ZNF516: variants seen among roughly 807,000 people sequenced by gnomAD.
The protein encoded by ZNF516 is zinc finger protein 516.
Under a neutral mutation model 79.7 loss-of-function variants are expected in ZNF516, and 19 were observed. The ratio of observed to expected loss-of-function variants is 0.24; its 90% CI spans 0.17 to 0.35. ZNF516 has a LOEUF of 0.35. ZNF516 is among the 10% of genes least tolerant of loss of function. The probability of loss-of-function intolerance (pLI) is 1.00; values close to 1 mark genes in which losing one functional copy is unlikely to be tolerated. For synonymous variants in ZNF516, 877 were observed against 739.5 expected (o/e 1.19, Z -3.02); for missense variants, 1,678 against 1,679.5 (o/e 1.00, Z 0.02).
At chr18:76,428,984 G>A (rs1223881957) in intron 3 of ZNF516, among the ~76,000 whole-genome samples, 1 of 152,282 alleles carries the variant, frequency 6.6e-6, no homozygotes, top group Non-Finnish European at 1.5e-5. Context: ...AGGCCGCTCA[G>A]GAGGAGGGCG....
At chr18:76,395,004 C>G (rs372005943) in intron 3 of ZNF516, among the ~76,000 whole-genome samples, 2 of 152,162 alleles carry the variant, frequency 1.3e-5, no homozygotes, top group Non-Finnish European at 2.9e-5. Flanking sequence ...AACTCAGTCC[C>G]GATTCCAACT....
chr18:76,421,086 G>A (rs545283966), intron 3 of ZNF516, among the ~76,000 whole-genome samples: 37 of 152,302 alleles, frequency 2.4e-4, no homozygotes, highest in African/African-American at 6.0e-4. Flanking sequence ...TGCAGTGTGC[G>A]CCTCCTGCTC....
intron 1 of ZNF516, among the ~76,000 whole-genome samples, chr18:76,481,431 G>A (rs760686624): frequency 6.6e-6 from 1 of 152,214 alleles, no homozygotes. Flanking sequence ...CTCCCATAGT[G>A]TCATCTCTAA....
rs1275970230 is a variant in ZNF516 at position 76,360,643 on chromosome 18, AAAAATAT to A, written c.*1848_*1854del. The A allele has an allele frequency of 8.8e-5, 10 of 113,976 alleles. No individual in the cohort carries two copies. The highest frequency in any genetic ancestry group is 2.6e-4 in the Admixed American group (3 of 11,406). 7.1% of individuals were successfully genotyped at this position (113,976 alleles called of 1,614,324 possible). A position where few individuals can be genotyped will look rare whatever the true frequency, so the allele number is the denominator to read the frequency against. ...CAGAAAAAAATAAGTAAAAAAAAAA[AAAAATAT>A]ATATATATATATATATATATATATA... On this transcript the variant is annotated 3_prime_UTR_variant, in exon 7 of 7. Coordinates refer to ENST00000443185, the MANE Select transcript of ZNF516 (RefSeq NM_014643.4).
chr18:76,488,006 G>C (rs1411432607), intron 1 of ZNF516: 1 of 985,124 alleles, frequency 1.0e-6, no homozygotes, highest in Admixed American at 6.2e-5. Context: ...CCAAACAGTC[G>C]AACAACCAAA....
At chr18:76,416,233 G>A (rs780823410) in intron 3 of ZNF516, among the ~76,000 whole-genome samples, 13 of 152,176 alleles carry the variant, frequency 8.5e-5, no homozygotes, top group South Asian at 2.1e-4. Flanking sequence ...GGTCCTCCTT[G>A]GAAGAGGCGG....
intron 3 of ZNF516, among the ~76,000 whole-genome samples, chr18:76,392,665 TGGGGG>T (rs2075094724): frequency 1.5e-5 from 1 of 68,280 alleles, no homozygotes; most frequent in Non-Finnish European, 2.6e-5. Flanking sequence ...GGTGACCAGG[TGGGGG>T]AAAGGTGGAT....
At position 76,379,117 on chromosome 18, in the gene ZNF516, G is replaced by C. The variant is rs1166054021; in HGVS notation, c.2997C>G (p.Pro999=). The C allele has an allele frequency of 1.2e-6, 2 of 1,612,340 alleles. No individual in the cohort carries two copies. The highest frequency in any genetic ancestry group is 8.5e-7 in the Non-Finnish European group (1 of 1,179,686). The change falls in exon 4 of 7, where the codon CCC becomes CCG. Residue 999 remains proline, a synonymous_variant. Coordinates refer to ENST00000443185, the MANE Select transcript of ZNF516 (RefSeq NM_014643.4). ...GGGCTGCCTTCGAGGGGGGCTCGCG[G>C]GGAGGTAGAGGAGGAGCGCCCCCTT... ...KGEGGAPPLP[P]REPPSKAAQE...
chr18:76,403,713 A>C (rs1312821298), intron 3 of ZNF516, among the ~76,000 whole-genome samples: 2 of 152,182 alleles, frequency 1.3e-5, no homozygotes, highest in African/African-American at 4.8e-5. Flanking sequence ...CTATATCCTT[A>C]ATAACCTGAG....
chr18:76,377,768 T>G (rs970106467), intron 4 of ZNF516, among the ~76,000 whole-genome samples: 20 of 146,532 alleles, frequency 1.4e-4, no homozygotes, highest in Non-Finnish European at 1.3e-4. Context: ...CAGGCTGGAG[T>G]GCAGTGGCAC....
intron 3 of ZNF516, among the ~76,000 whole-genome samples, chr18:76,398,119 C>T (rs1280276265): frequency 1.3e-5 from 2 of 152,206 alleles, no homozygotes; most frequent in Non-Finnish European, 2.9e-5. Flanking sequence ...TTACTAACTG[C>T]TTCCTATTGA....
intron 6 of ZNF516, among the ~76,000 whole-genome samples, chr18:76,368,661 T>G (rs1001169563): frequency 6.6e-6 from 1 of 152,276 alleles, no homozygotes; most frequent in African/African-American, 2.4e-5. Flanking sequence ...ATAACAATAT[T>G]TTAGTCTAGA....
chr18:76,470,858 G>A (rs690565), intron 1 of ZNF516, among the ~76,000 whole-genome samples: 151,493 of 152,246 alleles, frequency 1, 75,378 homozygotes, highest in Non-Finnish European at 1. Flanking sequence ...ACTAAAAAAT[G>A]CAACAAAAGT....
chr18:76,473,593 A>C (rs1417444057), intron 1 of ZNF516, among the ~76,000 whole-genome samples: 1 of 152,046 alleles, frequency 6.6e-6, no homozygotes, highest in Non-Finnish European at 1.5e-5. Context: ...CGAGGTCAGG[A>C]GATGGAGACC....
At chr18:76,362,582 G>A (rs2074555270) in intron 6 of ZNF516, 25 bp from the exon 7 acceptor site, 1 of 1,596,780 alleles carries the variant, frequency 6.3e-7, no homozygotes, top group African/African-American at 1.3e-5. Flanking sequence ...GGAAAGAACA[G>A]GAGAAAAGCT....
At chr18:76,478,101 G>GA (rs1181715377) in intron 1 of ZNF516, among the ~76,000 whole-genome samples, 1 of 152,182 alleles carries the variant, frequency 6.6e-6, no homozygotes, top group Non-Finnish European at 1.5e-5. Flanking sequence ...GTGGAGAGCA[G>GA]AAAGTGTACT....
In ZNF516 at chr18:76,379,856, A is replaced by G. The variant is rs1461320539; in HGVS notation, c.2258T>C (p.Leu753Pro). ...CGGGTGAACGACTAAAGCCGCCTGC[A>G]GGGAGGAGGCCGTCTCCTTATTGCT... ...DPSNKETASS[L>P]QAALVVHPCP... Residue 753 changes from leucine (L) to proline (P), a missense_variant, in exon 4 of 7, where the codon CTG becomes CCG. Physicochemically the swap from Leu to Pro is moderately conservative, Grantham distance 98. This residue lies in a region of ZNF516 where 1,294 missense variants were observed against 1,248.3 expected (regional missense o/e 1.04). Transcript: ENST00000443185. 1.2e-6 allele frequency: 2 copies of G among 1,613,872 alleles called. No homozygotes were observed. The highest frequency in any genetic ancestry group is 4.5e-5 in the East Asian group (2 of 44,848).
chr18:76,438,660 T>C (rs572833286), intron 3 of ZNF516, among the ~76,000 whole-genome samples: 35 of 152,260 alleles, frequency 2.3e-4, no homozygotes, highest in African/African-American at 7.7e-4. Flanking sequence ...GATGGCAACA[T>C]TCAACTGACG....
At position 76,379,213 on chromosome 18, in the gene ZNF516, C is replaced by G. The variant is rs375441078; in HGVS notation, c.2901G>C (p.Lys967Asn). Residue 967 changes from lysine (K) to asparagine (N), a missense_variant, in exon 4 of 7, where the codon AAG (lysine) becomes AAC (asparagine). Lys to Asn is a moderately conservative substitution (Grantham distance 94). Coordinates refer to ENST00000443185, the MANE Select transcript of ZNF516 (RefSeq NM_014643.4). ...PAGAGFAPTN[K>N]HSAPDSLKAK... ...CTTTCAGGGAGTCCGGGGCACTGTG[C>G]TTATTTGTGGGGGCAAAGCCAGCCC... The G allele has an allele frequency of 6.2e-7, 1 of 1,612,860 alleles. No individual in the cohort carries two copies. The highest frequency in any genetic ancestry group is 8.5e-7 in the Non-Finnish European group (1 of 1,179,746).
Sources: gnomAD v4.1 joint callset for allele counts (sites outside exome capture counted in the v4.1 genomes callset) on GRCh38, gnomAD v4.1.1 for gene constraint, gnomAD v4.1.1 regional missense constraint, MANE v1.5 for transcripts, NCBI Gene and HGNC (gene_info 2026-07-23, HGNC 2026-07-21) for gene names.